Variants in ANXA13 observed in about 807,000 individuals in gnomAD.
The protein encoded by ANXA13 is annexin XIII.
Under a neutral mutation model 46.6 loss-of-function variants are expected in ANXA13, and 36 were observed. That is an observed-to-expected ratio of 0.77 (90% CI 0.59 to 1.02). The LOEUF is 1.02. Among genes scored for constraint, ANXA13 ranks in the 50% least tolerant of loss-of-function variants. The pLI is 0.00. For synonymous variants in ANXA13, 163 were observed against 152.9 expected, an observed-to-expected ratio of 1.07 and a Z score of -0.49; for missense variants, 417 against 396.5, an observed-to-expected ratio of 1.05 and a Z score of -0.44.
intron 1 of ANXA13, among the ~76,000 whole-genome samples, chr8:123,726,335 T>A (rs1383715396): frequency 1.3e-5 from 2 of 152,206 alleles, no homozygotes; most frequent in African/African-American, 4.8e-5. Flanking sequence ...ACTGCAGGGC[T>A]GGGTAGGAGT....
rs117793494 is a variant in ANXA13 at position 123,715,030 on chromosome 8, G to C, written c.16-2277C>G. 9.5e-3 allele frequency among the ~76,000 whole-genome samples: 1,444 copies of C among 152,292 alleles called. 10 individuals carry two copies. The highest frequency in any genetic ancestry group is 0.013 in the Non-Finnish European group (865 of 68,024). On this transcript the variant is annotated intron_variant, in intron 1 of 10. Coordinates refer to ENST00000419625, the MANE Select transcript of ANXA13 (RefSeq NM_004306.4). Reference sequence around the variant, plus strand: ...TAGAGCTTCCATCATCCAACAGAGGGGTCGGATGACTCTGGAGTTGCAGAA... The same window carrying C: ...TAGAGCTTCCATCATCCAACAGAGGCGTCGGATGACTCTGGAGTTGCAGAA...
At chr8:123,727,146 C>T (rs955378198) in intron 1 of ANXA13, among the ~76,000 whole-genome samples, 1 of 152,128 alleles carries the variant, frequency 6.6e-6, no homozygotes, top group African/African-American at 2.4e-5. Context: ...CACAAATGAC[C>T]ACTGAAGAAC....
chr8:123,695,780 A>T (rs1395618597), intron 4 of ANXA13, 59 bp from the exon 5 acceptor site: 2 of 1,440,158 alleles, frequency 1.4e-6, no homozygotes, highest in East Asian at 2.3e-5. Context: ...TCAATAAGAG[A>T]TACAGAGAGA....
chr8:123,712,785 A>C, intron 1 of ANXA13, 32 bp from the exon 2 acceptor site: 2 of 1,589,686 alleles, frequency 1.3e-6, no homozygotes, highest in South Asian at 1.1e-5. Context: ...GTGAGATGAC[A>C]ATATACGCAT....
At position 123,717,999 on chromosome 8, in the gene ANXA13, GA is replaced by G. The variant is rs766629146; in HGVS notation, c.16-5247del. Among the ~76,000 whole-genome samples the G allele has an allele frequency of 3.5e-4, 54 of 152,388 alleles. 1 individual carries two copies. The highest frequency in any genetic ancestry group is 1.3e-3 in the African/African-American group (52 of 41,596). On this transcript the variant is annotated intron_variant, in intron 1 of 10. Transcript: ENST00000419625. ...GCACCCAGGCTCGCTTGCGCCCAGA[GA>G]AAGAGTAAAGCCATGTTGAAACTCC... is the stretch of plus-strand genomic sequence containing the variant.
intron 10 of ANXA13, among the ~76,000 whole-genome samples, chr8:123,681,984 G>A (rs1296108483): frequency 6.6e-6 from 1 of 152,092 alleles, no homozygotes; most frequent in South Asian, 2.1e-4. Flanking sequence ...TTTCTTTTGA[G>A]TTTTAACAGT....
chr8:123,708,291 T>C (rs1179490209), intron 2 of ANXA13, among the ~76,000 whole-genome samples: 2 of 152,188 alleles, frequency 1.3e-5, no homozygotes, highest in Admixed American at 6.5e-5. Context: ...CCGGGCCTCC[T>C]TGGTTTTGCT....
At chr8:123,723,803 G>A (rs1813932438) in intron 1 of ANXA13, among the ~76,000 whole-genome samples, 1 of 152,158 alleles carries the variant, frequency 6.6e-6, no homozygotes, top group Admixed American at 6.5e-5. Flanking sequence ...TCCCTAGACT[G>A]TAAGACTTTT....
intron 1 of ANXA13, chr8:123,728,249 T>G (rs1485042376): frequency 6.6e-6 from 1 of 152,172 alleles, no homozygotes; most frequent in Non-Finnish European, 1.5e-5. Context: ...GTCCACAGAT[T>G]GTTTGGGGAG....
At chr8:123,719,142 A>G (rs1362234185) in intron 1 of ANXA13, among the ~76,000 whole-genome samples, 2 of 152,238 alleles carry the variant, frequency 1.3e-5, no homozygotes, top group African/African-American at 4.8e-5. Context: ...TCCAGAACAC[A>G]GCCAGAAATA....
chr8:123,708,488 G>A (rs1441937777), intron 2 of ANXA13, among the ~76,000 whole-genome samples: 1 of 152,166 alleles, frequency 6.6e-6, no homozygotes, highest in Non-Finnish European at 1.5e-5. Flanking sequence ...TGCAGCCCCC[G>A]CTCTGGTGCT....
chr8:123,686,153 G>T (rs1196976048), intron 9 of ANXA13, among the ~76,000 whole-genome samples: 2 of 152,148 alleles, frequency 1.3e-5, no homozygotes, highest in Admixed American at 6.5e-5. Context: ...GCTGGGCAGG[G>T]ATAGCCAAAG....
At chr8:123,736,332 T>C (rs1024337500) in intron 1 of ANXA13, among the ~76,000 whole-genome samples, 3 of 152,322 alleles carry the variant, frequency 2.0e-5, no homozygotes, top group Non-Finnish European at 4.4e-5. Context: ...AAGATTTGTA[T>C]TGGAATAGCT....
At chr8:123,721,440 C>G (rs565997394) in intron 1 of ANXA13, among the ~76,000 whole-genome samples, 1 of 152,218 alleles carries the variant, frequency 6.6e-6, no homozygotes, top group African/African-American at 2.4e-5. Flanking sequence ...GTACCCACCT[C>G]GTATGGGTTG....
intron 1 of ANXA13, chr8:123,729,109 C>T (rs1328963955): frequency 6.6e-6 from 1 of 152,080 alleles, no homozygotes; most frequent in Non-Finnish European, 1.5e-5. Flanking sequence ...TGATTATTCA[C>T]AGGGTAGGTC....
chr8:123,713,703 T>C (rs1440502440), intron 1 of ANXA13, among the ~76,000 whole-genome samples: 1 of 152,184 alleles, frequency 6.6e-6, no homozygotes, highest in Non-Finnish European at 1.5e-5. Context: ...ATATTTTCTT[T>C]TCTTTTTTGA....
In ANXA13 at chr8:123,681,316, T is replaced by G; in HGVS notation, c.875A>C (p.Gln292Pro). 6.2e-7 allele frequency: 1 copy of G among 1,614,152 alleles called. No homozygotes were observed. Among genetic ancestry groups the G allele is most frequent in the Non-Finnish European group, 8.5e-7 (1 of 1,179,982 alleles). ...GCGAACCATGTCAGAGAGAGACTTC[T>G]GATACTTCTCTTGGAACTTTGCTTT... is the stretch of plus-strand genomic sequence containing the variant. ...GIKAKFQEKY[Q>P]KSLSDMVRSD... The change falls in exon 11 of 11, where the codon CAG (glutamine) becomes CCG (proline). Residue 292 changes from glutamine to proline, a missense_variant. By Grantham distance (76) the Gln-to-Pro change is moderately conservative. Coordinates refer to ENST00000419625, the MANE Select transcript of ANXA13 (RefSeq NM_004306.4).
chr8:123,722,341 G>GA (rs761689965), intron 1 of ANXA13, among the ~76,000 whole-genome samples: 1 of 79,890 alleles, frequency 1.3e-5, no homozygotes, highest in African/African-American at 5.6e-5. Context: ...AGAAAGAAAA[G>GA]AAAAGAAAGA....
intron 8 of ANXA13, among the ~76,000 whole-genome samples, chr8:123,689,318 G>A (rs1813192229): frequency 6.7e-6 from 1 of 149,714 alleles, no homozygotes; most frequent in South Asian, 2.1e-4. Context: ...TAACATTGAT[G>A]TGTAGTTTAG....
Sources: allele counts gnomAD v4.1 joint callset (sites outside exome capture counted in the v4.1 genomes callset), GRCh38; gene constraint gnomAD v4.1.1; transcripts MANE v1.5; gene names NCBI Gene and HGNC (gene_info 2026-07-23, HGNC 2026-07-21).